ATP6V1H: variants seen among roughly 807,000 people sequenced by gnomAD.
ATP6V1H encodes the protein V-type proton ATPase subunit H.
ATP6V1H carries 39 observed loss-of-function variants against 71.7 expected under a neutral mutation model. That is an observed-to-expected ratio of 0.54 (90% CI 0.42 to 0.71). The LOEUF is 0.71. Among genes scored for constraint, ATP6V1H ranks in the 30% least tolerant of loss-of-function variants. ATP6V1H has a pLI of 0.00. For missense variants in ATP6V1H, 509 were observed against 594.9 expected, an observed-to-expected ratio of 0.86 and a Z score of 1.50; for synonymous variants, 192 against 199.3, an observed-to-expected ratio of 0.96 and a Z score of 0.31.
intron 9 of ATP6V1H, among the ~76,000 whole-genome samples, chr8:53,778,106 T>C (rs1700118887): frequency 6.6e-6 from 1 of 152,118 alleles, no homozygotes; most frequent in African/African-American, 2.4e-5. Flanking sequence ...AGAAAGGATG[T>C]GTATTGTGAC....
At chr8:53,789,824 A>C (rs1809513339) in intron 9 of ATP6V1H, among the ~76,000 whole-genome samples, 1 of 152,234 alleles carries the variant, frequency 6.6e-6, no homozygotes, top group African/African-American at 2.4e-5. Context: ...GAACAGGTAG[A>C]GGTAAATGGA....
intron 11 of ATP6V1H, among the ~76,000 whole-genome samples, chr8:53,769,000 G>A (rs1398472567): frequency 6.6e-6 from 1 of 152,070 alleles, no homozygotes; most frequent in African/African-American, 2.4e-5. Flanking sequence ...AAACCTGGAG[G>A]GCACTGGTGG....
At chr8:53,833,618 ACT>A (rs909559313) in intron 2 of ATP6V1H, among the ~76,000 whole-genome samples, 2 of 149,508 alleles carry the variant, frequency 1.3e-5, no homozygotes, top group Non-Finnish European at 3.0e-5. Context: ...CTGACCCCAC[ACT>A]CTCCTATTTT....
chr8:53,746,921 A>G (rs1240654258), intron 12 of ATP6V1H, among the ~76,000 whole-genome samples: 1 of 152,240 alleles, frequency 6.6e-6, no homozygotes, highest in African/African-American at 2.4e-5. Context: ...ACCATATTTC[A>G]AAACAAGTTA....
At chr8:53,743,891 T>C (rs1807503313) in intron 12 of ATP6V1H, among the ~76,000 whole-genome samples, 1 of 152,216 alleles carries the variant, frequency 6.6e-6, no homozygotes, top group Non-Finnish European at 1.5e-5. Flanking sequence ...TTCCTAATGA[T>C]AAATCCAACA....
intron 11 of ATP6V1H, among the ~76,000 whole-genome samples, chr8:53,764,625 G>A (rs566116723): frequency 5.9e-5 from 9 of 151,960 alleles, no homozygotes; most frequent in South Asian, 2.1e-4. Flanking sequence ...CAGAAGCAAC[G>A]CAAGGATGTA....
Position 53,817,446 on chromosome 8 carries a change from T to C in ATP6V1H, c.391A>G (p.Asn131Asp). ...TAWPYFLPML[N>D]RQDPFTVHMA... ...TGAACAGTGAAGGGATCCTGGCGAT[T>C]CAACATTGGCAGAAAGTAGGGCCAC... Residue 131 changes from asparagine (N) to aspartate (D), a missense_variant, in exon 5 of 14, where the codon AAT becomes GAT. Around this residue, in one of 2 missense-constraint regions of ATP6V1H, gnomAD observed 297 missense variants for 303.3 expected, o/e 0.98. Transcript: ENST00000359530. 1 of 1,613,294 alleles carries C rather than the reference T, an allele frequency of 6.2e-7. No homozygotes were observed. Among genetic ancestry groups the C allele is most frequent in the African/African-American group, 1.3e-5 (1 of 75,010 alleles).
chr8:53,775,317 G>A (rs1808830074), intron 9 of ATP6V1H, among the ~76,000 whole-genome samples: 1 of 152,212 alleles, frequency 6.6e-6, no homozygotes, highest in Non-Finnish European at 1.5e-5. Flanking sequence ...AAGATTTATT[G>A]CAAAGAGCGA....
At chr8:53,793,463 AT>A (rs1281692684) in intron 9 of ATP6V1H, among the ~76,000 whole-genome samples, 1 of 151,984 alleles carries the variant, frequency 6.6e-6, no homozygotes, top group Middle Eastern at 3.2e-3. Context: ...ACAAAACAAG[AT>A]CCTGTCTCTA....
At chr8:53,817,103 G>A (rs902000868) in intron 5 of ATP6V1H, among the ~76,000 whole-genome samples, 2 of 152,022 alleles carry the variant, frequency 1.3e-5, no homozygotes, top group African/African-American at 2.4e-5. Flanking sequence ...CTATGGGAAC[G>A]GACAGGTTAC....
At chr8:53,827,200 T>G (rs893236501) in intron 4 of ATP6V1H, among the ~76,000 whole-genome samples, 1 of 151,824 alleles carries the variant, frequency 6.6e-6, no homozygotes, top group Admixed American at 6.6e-5. Flanking sequence ...CTGGCCAACA[T>G]GGTGAAACCT....
Position 53,731,981 on chromosome 8 carries a change from G to A in ATP6V1H, c.1391+11596C>T, listed in dbSNP as rs140692316. On this transcript the variant is annotated intron_variant, in intron 13 of 13. Transcript: ENST00000359530. ...GGCTGAACACTGCGAAGGAACTGAC[G>A]CTTGGAGTTGGACATCTGGAATATG... Among the ~76,000 whole-genome samples, 37 of 152,356 alleles carry A rather than the reference G, an allele frequency of 2.4e-4. No individual in the cohort carries two copies. The East Asian group carries it at 6.4e-3, about 26-fold the overall frequency.
chr8:53,814,080 G>A (rs1458893980), intron 6 of ATP6V1H, among the ~76,000 whole-genome samples: 2 of 152,154 alleles, frequency 1.3e-5, no homozygotes, highest in Admixed American at 6.5e-5. Context: ...TGCCCCTGGT[G>A]GCACCCAGGA....
chr8:53,755,797 G>A (rs1585750652), intron 12 of ATP6V1H, among the ~76,000 whole-genome samples: 1 of 77,746 alleles, frequency 1.3e-5, no homozygotes, highest in East Asian at 4.1e-4. Context: ...TCGCTCTGTC[G>A]CCCAGGCTGG....
Position 53,772,219 on chromosome 8 carries a change from A to G in ATP6V1H, c.871-52T>C, listed in dbSNP as rs144404619. 4.3e-4 allele frequency: 613 copies of G among 1,410,646 alleles called. 3 individuals carry two copies. The African/African-American group carries it at 8.1e-3, about 19-fold the overall frequency. The allele number at this position is 1,410,646 out of a possible 1,614,324, so 87.4% of individuals were successfully genotyped here. A position where few individuals can be genotyped will look rare whatever the true frequency, so the allele number is the denominator to read the frequency against. ...AACTATACAATTTGTCATGTGATGG[A>G]TTCAGAGACCTCTGCACATTCTTTT... On this transcript the variant is annotated intron_variant, in intron 9 of 13. Coordinates refer to ENST00000359530, the MANE Select transcript of ATP6V1H (RefSeq NM_015941.4).
chr8:53,793,628 G>A (rs536032393), intron 9 of ATP6V1H, among the ~76,000 whole-genome samples: 5 of 151,974 alleles, frequency 3.3e-5, no homozygotes, highest in African/African-American at 1.2e-4. Flanking sequence ...CTGGATGACA[G>A]AGTAAAAACC....
intron 11 of ATP6V1H, among the ~76,000 whole-genome samples, chr8:53,765,454 A>AACAACAAC (rs200942953): frequency 1.3e-5 from 1 of 74,132 alleles, no homozygotes; most frequent in African/African-American, 4.6e-5. Context: ...CAACAACAAC[A>AACAACAAC]ACACACACAC....
At chr8:53,801,124 T>C (rs1315219103) in intron 8 of ATP6V1H, among the ~76,000 whole-genome samples, 5 of 152,196 alleles carry the variant, frequency 3.3e-5, no homozygotes, top group African/African-American at 1.2e-4. Flanking sequence ...TTCACAGGTA[T>C]ATCCTACACT....
intron 10 of ATP6V1H, 90 bp downstream of exon 10, chr8:53,771,899 T>C: frequency 8.6e-7 from 1 of 1,163,998 alleles, no homozygotes; most frequent in Non-Finnish European, 1.2e-6. Flanking sequence ...TTTGTATAGG[T>C]GACAACAAAT....
Sources: gnomAD v4.1 joint callset for allele counts (sites outside exome capture counted in the v4.1 genomes callset) on GRCh38, gnomAD v4.1.1 for gene constraint, gnomAD v4.1.1 regional missense constraint, MANE v1.5 for transcripts, NCBI Gene and HGNC (gene_info 2026-07-23, HGNC 2026-07-21) for gene names.